HNRNPK: variants seen among roughly 807,000 people sequenced by gnomAD.
The protein encoded by HNRNPK is heterogeneous nuclear ribonucleoprotein K.
In HNRNPK, 7 loss-of-function variants were observed where a neutral mutation model predicts 67.0. The ratio of observed to expected loss-of-function variants is 0.10; its 90% CI spans 0.06 to 0.20. The LOEUF (loss-of-function observed/expected upper bound fraction) is 0.20. Ranked by LOEUF, HNRNPK falls within the 10% of genes least tolerant of loss-of-function variation. HNRNPK has a pLI of 1.00. For missense variants in HNRNPK, 264 were observed against 606.5 expected, an observed-to-expected ratio of 0.44 and a Z score of 5.93; for synonymous variants, 213 against 193.7, an observed-to-expected ratio of 1.10 and a Z score of -0.83.
chr9:83,970,873 G>T, intron 14 of HNRNPK, 24 bp downstream of exon 14: 2 of 1,610,820 alleles, frequency 1.2e-6, no homozygotes, highest in South Asian at 1.1e-5. Context: ...ATTAATGTTT[G>T]ACTTCACAAA....
At chr9:83,975,528 T>G (rs759973419) in intron 5 of HNRNPK, 23 bp from the exon 6 acceptor site, 1 of 1,597,914 alleles carries the variant, frequency 6.3e-7, no homozygotes, top group Non-Finnish European at 8.6e-7. Flanking sequence ...TTGGCGTTCG[T>G]GGATGTTGGC....
intron 3 of HNRNPK, 54 bp from the exon 4 acceptor site, chr9:83,977,840 T>A: frequency 9.1e-7 from 1 of 1,095,400 alleles, no homozygotes; most frequent in Non-Finnish European, 1.4e-6. Context: ...CCAAAGTAAC[T>A]CCATTCTGTT....
chr9:83,972,824 CA>C lies in HNRNPK; in HGVS notation c.645+19del. ...TTTGTTTCATAAAATCAAATGTAAA[CA>C]AAAAGTGTTCTGAAGTACCTCAGAT... On this transcript the variant is annotated intron_variant, in intron 10 of 16. Coordinates refer to ENST00000376263, the MANE Select transcript of HNRNPK (RefSeq NM_031263.4). 2 of 1,560,194 alleles carry C rather than the reference CA, an allele frequency of 1.3e-6. No individual in the cohort carries two copies. The highest frequency in any genetic ancestry group is 8.7e-7 in the Non-Finnish European group (1 of 1,153,140).
At chr9:83,969,891 A>G (rs765474286) in intron 16 of HNRNPK, 9 of 611,660 alleles carry the variant, frequency 1.5e-5, no homozygotes, top group South Asian at 1.3e-4. Context: ...GCTCTGTACA[A>G]TTTTTAACAA....
intron 5 of HNRNPK, 138 bp downstream of exon 5, chr9:83,976,857 T>C (rs1957088411): frequency 5.5e-6 from 3 of 550,066 alleles, no homozygotes; most frequent in South Asian, 3.7e-5. Flanking sequence ...AACTTCGAAA[T>C]CAATTCTGTA....
intron 10 of HNRNPK, chr9:83,972,422 A>T: frequency 1.9e-6 from 1 of 532,694 alleles, no homozygotes; most frequent in Non-Finnish European, 3.3e-6. Flanking sequence ...ATACAGGGAG[A>T]AGTAATAGCT....
chr9:83,972,349 T>A (rs955887686), intron 10 of HNRNPK, 160 bp from the exon 11 acceptor site: 15 of 596,968 alleles, frequency 2.5e-5, no homozygotes, highest in African/African-American at 3.8e-5. Context: ...AGTAGCAAAG[T>A]AAAGATTCCA....
chr9:83,978,900 G>A (rs17086750), intron 1 of HNRNPK, among the ~76,000 whole-genome samples: 1 of 152,086 alleles, frequency 6.6e-6, no homozygotes, highest in Admixed American at 6.5e-5. Context: ...AAATACAACG[G>A]CAATTGCGAA....
intron 3 of HNRNPK, 22 bp downstream of exon 3, chr9:83,978,173 T>TA (rs1957158496): frequency 6.6e-7 from 1 of 1,510,468 alleles, no homozygotes; most frequent in African/African-American, 1.4e-5. Context: ...AAAATACTGT[T>TA]AAAACTAAAA....
intron 6 of HNRNPK, 72 bp downstream of exon 6, chr9:83,975,390 A>G: frequency 7.7e-7 from 1 of 1,294,246 alleles, no homozygotes. Context: ...ATTTAATTAT[A>G]TAAAAGGCAG....
At position 83,972,114 on chromosome 9, in the gene HNRNPK, T is replaced by G. The variant is rs1181909758; in HGVS notation, c.721A>C (p.Met241Leu). The change falls in exon 11 of 17, where the codon ATG (methionine) becomes CTG (leucine). Residue 241 changes from methionine (M) to leucine (L), a missense_variant. Met to Leu is a conservative substitution (Grantham distance 15). Around this residue, in one of 6 missense-constraint regions of HNRNPK, gnomAD observed 142 missense variants for 256.5 expected, o/e 0.55. Coordinates refer to ENST00000376263, the MANE Select transcript of HNRNPK (RefSeq NM_031263.4). ...CGTCCGCGACGGTCATCAAACATCA[T>G]TGTAAAACCACCATAATCATAGGTT... ...DETYDYGGFTMMFDDRRGRPV... is the reference protein window; with the variant it reads ...DETYDYGGFTLMFDDRRGRPV... 2 of 1,613,880 alleles carry G rather than the reference T, an allele frequency of 1.2e-6. No homozygotes were observed. The highest frequency in any genetic ancestry group is 4.5e-5 in the East Asian group (2 of 44,874).
chr9:83,974,707 T>C (rs970416494), intron 6 of HNRNPK, 118 bp from the exon 7 acceptor site: 1 of 666,262 alleles, frequency 1.5e-6, no homozygotes, highest in South Asian at 1.8e-5. Flanking sequence ...TTATTTAATA[T>C]TCCCCATTTA....
At chr9:83,978,331 TAAAAAAAA>T in intron 2 of HNRNPK, 34 bp downstream of exon 2, 11 of 1,270,874 alleles carry the variant, frequency 8.7e-6, no homozygotes, top group Admixed American at 3.4e-5. Flanking sequence ...AAGCAAGCTG[TAAAAAAAA>T]AAAAAAAAAA....
intron 3 of HNRNPK, 147 bp from the exon 4 acceptor site, chr9:83,977,933 A>G: frequency 1.6e-6 from 1 of 616,920 alleles, no homozygotes; most frequent in Middle Eastern, 2.7e-4. Flanking sequence ...GCTTCCATCT[A>G]GTAAAATGCA....
intron 8 of HNRNPK, 128 bp downstream of exon 8, chr9:83,973,774 A>T: frequency 1.5e-6 from 1 of 676,820 alleles, no homozygotes. Context: ...GAGTTGTAAG[A>T]CCATTCATGT....
chr9:83,970,620 A>G lies in HNRNPK; in HGVS notation c.1191+117T>C, dbSNP rs1956786064. ...ACCCAGCTCACTAAAGCCCATTAACATAACCTCAATCCTAAATGTGTATTT... is the reference window on the plus strand; with the variant it reads ...ACCCAGCTCACTAAAGCCCATTAACGTAACCTCAATCCTAAATGTGTATTT... On this transcript the variant is annotated intron_variant, in intron 15 of 16. Coordinates refer to ENST00000376263, the MANE Select transcript of HNRNPK (RefSeq NM_031263.4). The G allele has an allele frequency of 5.3e-6, 4 of 761,582 alleles. No homozygotes were observed. In the African/African-American group the frequency reaches 5.3e-5, roughly 10 times the overall value. The allele number at this position is 761,582 out of a possible 1,614,324, so 47.2% of individuals were successfully genotyped here.
chr9:83,971,798 T>C lies in HNRNPK; in HGVS notation c.954-72A>G, dbSNP rs534341743. ...ACATATCAAATCAAAGTCTACCTTG[T>C]CTACCACTAAGTGCAGCCTCTTGCA... On this transcript the variant is annotated intron_variant, in intron 11 of 16. Transcript: ENST00000376263. 5.6e-6 allele frequency: 9 copies of C among 1,594,012 alleles called. No homozygotes were observed. The African/African-American group carries it at 9.4e-5, about 17-fold the overall frequency.
chr9:83,976,710 C>T lies in HNRNPK; in HGVS notation c.213+285G>A, dbSNP rs912439064. 2.2e-5 allele frequency: 6 copies of T among 272,204 alleles called. No homozygotes were observed. The South Asian group carries it at 7.2e-4, about 33-fold the overall frequency. The allele number at this position is 272,204 out of a possible 1,614,324, so 16.9% of individuals were successfully genotyped here. A position where few individuals can be genotyped will look rare whatever the true frequency, so the allele number is the denominator to read the frequency against. ...GCAATCAAGGATTTTTACACTTTGTCGCTATTTCTAATTAAGATGTTATCT... is the reference window on the plus strand; with the variant it reads ...GCAATCAAGGATTTTTACACTTTGTTGCTATTTCTAATTAAGATGTTATCT... On this transcript the variant is annotated intron_variant, in intron 5 of 16. Transcript: ENST00000376263.
At chr9:83,971,094 A>G (rs1330801710) in intron 13 of HNRNPK, 179 bp downstream of exon 13, 1 of 729,906 alleles carries the variant, frequency 1.4e-6, no homozygotes, top group African/African-American at 1.8e-5. Context: ...AGTGAGCACC[A>G]CTGCACCCAG....
Sources: gnomAD v4.1 joint callset for allele counts (sites outside exome capture counted in the v4.1 genomes callset) on GRCh38, gnomAD v4.1.1 for gene constraint, gnomAD v4.1.1 regional missense constraint, MANE v1.5 for transcripts, NCBI Gene and HGNC (gene_info 2026-07-23, HGNC 2026-07-21) for gene names.